ARHGAP15: variants seen among roughly 807,000 people sequenced by gnomAD.
ARHGAP15 encodes rho GTPase-activating protein 15.
In ARHGAP15, 51 loss-of-function variants were observed where a neutral mutation model predicts 63.7. The ratio of observed to expected loss-of-function variants is 0.80; its 90% CI spans 0.64 to 1.01. ARHGAP15 has a LOEUF of 1.01. Ranked by LOEUF, ARHGAP15 falls within the 50% of genes least tolerant of loss-of-function variation. ARHGAP15 has a pLI of 0.00. For missense variants in ARHGAP15, 560 were observed against 564.6 expected, an observed-to-expected ratio of 0.99 and a Z score of 0.08; for synonymous variants, 191 against 193.8, an observed-to-expected ratio of 0.99 and a Z score of 0.12.
At chr2:143,305,893 G>C (rs1683146127) in intron 6 of ARHGAP15, among the ~76,000 whole-genome samples, 1 of 152,018 alleles carries the variant, frequency 6.6e-6, no homozygotes, top group Non-Finnish European at 1.5e-5. Context: ...AGTGCCAAGA[G>C]CATGCCAATC....
chr2:143,626,140 G>C (rs1283358832), intron 12 of ARHGAP15, among the ~76,000 whole-genome samples: 2 of 152,158 alleles, frequency 1.3e-5, no homozygotes, highest in Non-Finnish European at 2.9e-5. Flanking sequence ...TGAGGCAGCA[G>C]ACTATTGGGA....
chr2:143,408,552 A>C (rs1688312061), intron 6 of ARHGAP15, among the ~76,000 whole-genome samples: 1 of 151,632 alleles, frequency 6.6e-6, no homozygotes, highest in Admixed American at 6.6e-5. Context: ...GAACTCCCCC[A>C]CTCATTATGC....
At chr2:143,452,317 T>C (rs1303780390) in intron 8 of ARHGAP15, among the ~76,000 whole-genome samples, 1 of 151,944 alleles carries the variant, frequency 6.6e-6, no homozygotes, top group African/African-American at 2.4e-5. Flanking sequence ...GATCTGCTTA[T>C]TGTGTAGGCT....
At chr2:143,743,765 G>A (rs976099204) in intron 13 of ARHGAP15, among the ~76,000 whole-genome samples, 1 of 152,116 alleles carries the variant, frequency 6.6e-6, no homozygotes, top group Non-Finnish European at 1.5e-5. Context: ...GCCAACTGAG[G>A]AGAAACTTCC....
intron 8 of ARHGAP15, among the ~76,000 whole-genome samples, chr2:143,477,206 ACT>A (rs1214910811): frequency 1.8e-4 from 27 of 148,152 alleles, no homozygotes; most frequent in African/African-American, 5.3e-4. Flanking sequence ...ACACACACAC[ACT>A]CGCGCACACA....
intron 1 of ARHGAP15, among the ~76,000 whole-genome samples, chr2:143,155,067 AT>A (rs1690024056): frequency 6.6e-6 from 1 of 151,904 alleles, no homozygotes; most frequent in Non-Finnish European, 1.5e-5. Flanking sequence ...TTCACCAAGA[AT>A]GGGTGCTGAT....
intron 6 of ARHGAP15, among the ~76,000 whole-genome samples, chr2:143,326,350 C>CA (rs1684249440): frequency 6.6e-6 from 1 of 152,118 alleles, no homozygotes; most frequent in South Asian, 2.1e-4. Context: ...TTCTAAGTGA[C>CA]AAAATGGAAG....
chr2:143,514,923 A>G (rs914136885), intron 9 of ARHGAP15, among the ~76,000 whole-genome samples: 3 of 152,186 alleles, frequency 2.0e-5, no homozygotes, highest in African/African-American at 7.2e-5. Context: ...CACTCACATC[A>G]TTCCAAAGAA....
Position 143,387,749 on chromosome 2 carries a change from G to GA in ARHGAP15, c.475-47846dup, listed in dbSNP as rs569581689. Among the ~76,000 whole-genome samples the GA allele has an allele frequency of 2.0e-3, 304 of 151,778 alleles. 1 individual carries two copies. The highest frequency in any genetic ancestry group is 3.7e-3 in the Non-Finnish European group (252 of 67,914). ...TACTGATCTTTATTACAAAAAGTGG[G>GA]AAAAAACAGAGTTCTTAACTGCTAC... On this transcript the variant is annotated intron_variant, in intron 6 of 13. Transcript: ENST00000295095.
At chr2:143,472,390 T>C (rs1691620415) in intron 8 of ARHGAP15, among the ~76,000 whole-genome samples, 1 of 152,156 alleles carries the variant, frequency 6.6e-6, no homozygotes, top group Admixed American at 6.5e-5. Context: ...TTAACAAACA[T>C]TCATGCAGTT....
chr2:143,183,011 T>C (rs1691299728), intron 2 of ARHGAP15, among the ~76,000 whole-genome samples: 1 of 152,112 alleles, frequency 6.6e-6, no homozygotes, highest in Non-Finnish European at 1.5e-5. Flanking sequence ...AAGCCAGTAC[T>C]AGAAGCAGGT....
At chr2:143,150,978 C>G (rs1422286354) in intron 1 of ARHGAP15, among the ~76,000 whole-genome samples, 1 of 151,922 alleles carries the variant, frequency 6.6e-6, no homozygotes, top group Admixed American at 6.6e-5. Context: ...TCTACCAAAT[C>G]TAGAAAATTG....
At chr2:143,413,610 A>G (rs1392337936) in intron 6 of ARHGAP15, among the ~76,000 whole-genome samples, 1 of 152,204 alleles carries the variant, frequency 6.6e-6, no homozygotes, top group Non-Finnish European at 1.5e-5. Flanking sequence ...AGGTTGGACT[A>G]CAGCTGTAAG....
Position 143,590,753 on chromosome 2 carries a change from G to A in ARHGAP15, c.1004-33380G>A, listed in dbSNP as rs576086106. Among the ~76,000 whole-genome samples the A allele has an allele frequency of 2.6e-5, 4 of 152,184 alleles. No homozygotes were observed. In the South Asian group the frequency reaches 8.3e-4, roughly 32 times the overall value. On this transcript the variant is annotated intron_variant, in intron 11 of 13. Transcript: ENST00000295095. ...TGTGTCTTTTATTTTGTCACTAACA[G>A]CATCTAGTATATTACTTGGGCCTTC...
intron 3 of ARHGAP15, among the ~76,000 whole-genome samples, chr2:143,214,694 A>G (rs961498951): frequency 6.6e-6 from 1 of 152,216 alleles, no homozygotes; most frequent in African/African-American, 2.4e-5. Context: ...TATCATTTTC[A>G]TAAGTCATCA....
intron 1 of ARHGAP15, among the ~76,000 whole-genome samples, chr2:143,139,881 A>AT (rs1304485256): frequency 9.2e-5 from 14 of 152,226 alleles, no homozygotes; most frequent in African/African-American, 3.4e-4. Context: ...CCTGTATGAT[A>AT]TTTTGGGCAA....
intron 4 of ARHGAP15, among the ~76,000 whole-genome samples, chr2:143,223,279 C>A (rs1693070393): frequency 4.6e-5 from 7 of 152,040 alleles, no homozygotes; most frequent in Admixed American, 2.6e-4. Flanking sequence ...TGGCCCAACA[C>A]TTGGCATTTC....
At chr2:143,255,570 A>G (rs930416336) in intron 6 of ARHGAP15, among the ~76,000 whole-genome samples, 3 of 152,148 alleles carry the variant, frequency 2.0e-5, no homozygotes, top group African/African-American at 7.2e-5. Flanking sequence ...AAAATGTTTA[A>G]GTACTACTTA....
intron 13 of ARHGAP15, among the ~76,000 whole-genome samples, chr2:143,760,741 C>T (rs1431300945): frequency 2.0e-5 from 3 of 151,968 alleles, no homozygotes; most frequent in Non-Finnish European, 2.9e-5. Context: ...TTATATACAC[C>T]TAACTTTAAA....
Sources: allele counts gnomAD v4.1 joint callset (sites outside exome capture counted in the v4.1 genomes callset), GRCh38; gene constraint gnomAD v4.1.1; transcripts MANE v1.5; gene names NCBI Gene and HGNC (gene_info 2026-07-23, HGNC 2026-07-21).